The following ATRNL1 variants were observed in gnomAD, a reference collection of about 807,000 sequenced individuals.
ATRNL1 encodes attractin like 1, also known as attractin-like protein 1.
In ATRNL1, 95 loss-of-function variants were observed where a neutral mutation model predicts 182.7. The ratio of observed to expected loss-of-function variants is 0.52; its 90% confidence interval spans 0.44 to 0.62. The LOEUF is 0.62. ATRNL1 is among the 20% of genes least tolerant of loss of function. The probability of loss-of-function intolerance (pLI) is 0.00; values close to 1 mark genes in which losing one functional copy is unlikely to be tolerated. For synonymous variants in ATRNL1, 576 were observed against 568.3 expected (o/e 1.01, Z -0.19); for missense variants, 1,471 against 1,679.5 (o/e 0.88, Z 2.17).
At chr10:115,413,037 A>C (rs191793403) in intron 20 of ATRNL1, among the ~76,000 whole-genome samples, 2 of 152,318 alleles carry the variant, frequency 1.3e-5, no homozygotes, top group East Asian at 3.9e-4. Flanking sequence ...GATATGCCAA[A>C]CATTTTAATA....
chr10:115,878,630 G>C (rs1274026772), intron 28 of ATRNL1, among the ~76,000 whole-genome samples: 3 of 152,112 alleles, frequency 2.0e-5, no homozygotes, highest in Admixed American at 2.0e-4. Flanking sequence ...GCAAAACAAG[G>C]ACCTGGGGAT....
intron 26 of ATRNL1, among the ~76,000 whole-genome samples, chr10:115,576,539 A>G (rs1386355735): frequency 5.3e-5 from 8 of 151,996 alleles, no homozygotes; most frequent in African/African-American, 1.9e-4. Context: ...TCTTATTTGG[A>G]GAAATGTCTA....
intron 9 of ATRNL1, among the ~76,000 whole-genome samples, chr10:115,220,159 C>T (rs1328664237): frequency 6.6e-6 from 1 of 152,160 alleles, no homozygotes; most frequent in Non-Finnish European, 1.5e-5. Flanking sequence ...ACTGCAGTCT[C>T]TCCTAAAAGA....
intron 8 of ATRNL1, among the ~76,000 whole-genome samples, chr10:115,214,309 AATATAT>A (rs3086142): frequency 1.3e-5 from 2 of 148,722 alleles, no homozygotes; most frequent in African/African-American, 2.5e-5. Flanking sequence ...TTTTAGTTCA[AATATAT>A]ATATATATAT....
At chr10:115,756,021 A>G (rs1268993634) in intron 27 of ATRNL1, among the ~76,000 whole-genome samples, 1 of 151,948 alleles carries the variant, frequency 6.6e-6, no homozygotes, top group Non-Finnish European at 1.5e-5. Flanking sequence ...CATCCTCTTT[A>G]TCATTTTTTA....
chr10:115,843,548 C>T (rs1950859048), intron 27 of ATRNL1, among the ~76,000 whole-genome samples: 1 of 151,948 alleles, frequency 6.6e-6, no homozygotes, highest in South Asian at 2.1e-4. Context: ...GGGAAGGATG[C>T]CTTAGACAGT....
intron 8 of ATRNL1, among the ~76,000 whole-genome samples, chr10:115,209,930 T>A (rs1249433753): frequency 6.6e-6 from 1 of 152,020 alleles, no homozygotes; most frequent in Non-Finnish European, 1.5e-5. Flanking sequence ...CTATACCACT[T>A]ATGAATTCCT....
rs376867229 is a variant in ATRNL1 at position 115,911,282 on chromosome 10, G to A, written c.4019-33376G>A. On this transcript the variant is annotated intron_variant, in intron 28 of 28. Coordinates refer to ENST00000355044, the MANE Select transcript of ATRNL1 (RefSeq NM_207303.4). ...CCCAAAGTGCTAGGATTACAGACATGAGCCACCACGCCCGGCCTAAAACCT... is the reference window on the plus strand; with the variant it reads ...CCCAAAGTGCTAGGATTACAGACATAAGCCACCACGCCCGGCCTAAAACCT... Among the ~76,000 whole-genome samples the A allele has an allele frequency of 1.3e-4, 20 of 151,930 alleles. No individual in the cohort carries two copies. The East Asian group carries it at 3.3e-3, about 25-fold the overall frequency.
intron 22 of ATRNL1, among the ~76,000 whole-genome samples, chr10:115,464,660 A>G (rs1847967331): frequency 6.6e-6 from 1 of 151,918 alleles, no homozygotes; most frequent in Non-Finnish European, 1.5e-5. Context: ...TCAATTGGAA[A>G]TTTTGTGTGA....
chr10:115,368,097 G>T (rs1472038427), intron 19 of ATRNL1, among the ~76,000 whole-genome samples: 10 of 152,166 alleles, frequency 6.6e-5, no homozygotes, highest in East Asian at 3.9e-4. Flanking sequence ...AGCAAGCCTG[G>T]GCAATGGCGG....
At chr10:115,432,379 G>A (rs1334633279) in intron 21 of ATRNL1, among the ~76,000 whole-genome samples, 3 of 152,100 alleles carry the variant, frequency 2.0e-5, no homozygotes, top group Admixed American at 6.6e-5. Context: ...AATATCAGAA[G>A]CATAATGGTA....
intron 2 of ATRNL1, among the ~76,000 whole-genome samples, chr10:115,120,624 A>G (rs1341478294): frequency 6.6e-6 from 1 of 152,082 alleles, no homozygotes; most frequent in Admixed American, 6.6e-5. Context: ...TTTTAGTTCA[A>G]AGGGTATTTT....
intron 26 of ATRNL1, among the ~76,000 whole-genome samples, chr10:115,602,602 G>A (rs1427107570): frequency 6.6e-6 from 1 of 152,206 alleles, no homozygotes; most frequent in Non-Finnish European, 1.5e-5. Context: ...AGTGGCTCAT[G>A]CCTGTAATCC....
chr10:115,227,194 C>A (rs1044709150), intron 9 of ATRNL1, among the ~76,000 whole-genome samples: 1 of 151,934 alleles, frequency 6.6e-6, no homozygotes, highest in African/African-American at 2.4e-5. Context: ...GCCTAATATC[C>A]GGAATCTGTA....
At chr10:115,382,692 C>CTTTTTTTTTTT (rs34063669) in intron 19 of ATRNL1, among the ~76,000 whole-genome samples, 1 of 114,288 alleles carries the variant, frequency 8.7e-6, no homozygotes, top group African/African-American at 3.0e-5. Context: ...CTGTTCTTTG[C>CTTTTTTTTTTT]TTTTTTTTTT....
chr10:115,159,973 A>G (rs184726010), intron 5 of ATRNL1, 67 bp from the exon 6 acceptor site: 5 of 1,153,204 alleles, frequency 4.3e-6, no homozygotes, highest in African/African-American at 1.6e-5. Flanking sequence ...CTTAATCCAT[A>G]TGTTGTATTT....
intron 27 of ATRNL1, among the ~76,000 whole-genome samples, chr10:115,772,071 C>A (rs551353131): frequency 3.3e-4 from 50 of 152,334 alleles, no homozygotes; most frequent in Admixed American, 1.5e-3. Context: ...ATGAAAGCTG[C>A]TCCTTTGACC....
chr10:115,562,924 C>A (rs1388021758), intron 26 of ATRNL1, among the ~76,000 whole-genome samples: 2 of 152,094 alleles, frequency 1.3e-5, no homozygotes, highest in Non-Finnish European at 2.9e-5. Context: ...CATGGAAATG[C>A]AAAGGACCCT....
At chr10:115,664,080 C>T (rs1387233744) in intron 26 of ATRNL1, among the ~76,000 whole-genome samples, 1 of 152,118 alleles carries the variant, frequency 6.6e-6, no homozygotes, top group Non-Finnish European at 1.5e-5. Context: ...TAGCATCCTT[C>T]CTTGATTCCT....
Sources: allele counts gnomAD v4.1 joint callset (sites outside exome capture counted in the v4.1 genomes callset), GRCh38; gene constraint gnomAD v4.1.1; transcripts MANE v1.5; gene names NCBI Gene and HGNC (gene_info 2026-07-23, HGNC 2026-07-21).